The following AP1S3 variants were observed in gnomAD, a reference collection of about 807,000 sequenced individuals.
AP1S3 encodes adaptor related protein complex 1 subunit sigma 3.
In AP1S3, 10 loss-of-function variants were observed where a neutral mutation model predicts 20.9. The ratio of observed to expected loss-of-function variants is 0.48; its 90% confidence interval spans 0.29 to 0.81. AP1S3 has a LOEUF of 0.81. AP1S3 is among the 30% of genes least tolerant of loss of function. The pLI is 0.08. For missense variants in AP1S3, 154 were observed against 183.8 expected, an observed-to-expected ratio of 0.84 and a Z score of 0.94; for synonymous variants, 41 against 61.5, an observed-to-expected ratio of 0.67 and a Z score of 1.56.
intron 1 of AP1S3, among the ~76,000 whole-genome samples, chr2:223,785,941 T>G (rs921123334): frequency 1.3e-5 from 2 of 152,152 alleles, no homozygotes; most frequent in East Asian, 3.8e-4. Flanking sequence ...TAGTTGAAAT[T>G]ACAAAACAAA....
intron 4 of AP1S3, among the ~76,000 whole-genome samples, chr2:223,759,496 A>C (rs1002269610): frequency 3.3e-5 from 5 of 152,248 alleles, no homozygotes; most frequent in African/African-American, 1.2e-4. Flanking sequence ...TGTCAAGACA[A>C]AAAAGATAAA....
chr2:223,758,010 G>C lies in AP1S3; in HGVS notation c.*705C>G. 2 of 972,804 alleles carry C rather than the reference G, an allele frequency of 2.1e-6. No homozygotes were observed. Among genetic ancestry groups the C allele is most frequent in the African/African-American group, 1.8e-5 (1 of 57,028 alleles). The allele number at this position is 972,804 out of a possible 1,614,324, so 60.3% of individuals were successfully genotyped here. A position where few individuals can be genotyped will look rare whatever the true frequency, so the allele number is the denominator to read the frequency against. The stretch of plus-strand genomic sequence containing the variant: ...AACCTTAATAAATATATAGTTCATA[G>C]AAAACCTTATTGGAATGTCCCTTAT... On this transcript the variant is annotated 3_prime_UTR_variant, in exon 5 of 5. Coordinates refer to ENST00000396654, the MANE Select transcript of AP1S3 (RefSeq NM_001039569.2).
At chr2:223,793,100 A>T (rs1340490110) in intron 1 of AP1S3, among the ~76,000 whole-genome samples, 1 of 152,214 alleles carries the variant, frequency 6.6e-6, no homozygotes, top group Non-Finnish European at 1.5e-5. Context: ...GTGAAGAAAA[A>T]GGAACGCTTT....
At chr2:223,787,381 G>T (rs1480056713) in intron 1 of AP1S3, among the ~76,000 whole-genome samples, 1 of 152,160 alleles carries the variant, frequency 6.6e-6, no homozygotes, top group Non-Finnish European at 1.5e-5. Flanking sequence ...AACACTCCTG[G>T]GTCTCAACCC....
chr2:223,809,133 T>C (rs1293980259), intron 1 of AP1S3, among the ~76,000 whole-genome samples: 1 of 152,208 alleles, frequency 6.6e-6, no homozygotes, highest in African/African-American at 2.4e-5. Flanking sequence ...TCAGAGCAGG[T>C]CACTCCCCTG....
intron 1 of AP1S3, among the ~76,000 whole-genome samples, chr2:223,788,138 A>G (rs55955440): frequency 0.12 from 17,916 of 151,396 alleles, 1,356 homozygotes; most frequent in East Asian, 0.25. Flanking sequence ...GTAGAGATAG[A>G]GTTTCACCAT....
At chr2:223,800,522 C>G (rs1306750504) in intron 1 of AP1S3, among the ~76,000 whole-genome samples, 1 of 136,390 alleles carries the variant, frequency 7.3e-6, no homozygotes, top group African/African-American at 2.8e-5. Flanking sequence ...GAGCAAGACC[C>G]TGTCTCTTTA....
In AP1S3 at chr2:223,760,364, G is replaced by A. The variant is rs114722927; in HGVS notation, c.430-1614C>T. On this transcript the variant is annotated intron_variant, in intron 4 of 4. Coordinates refer to ENST00000396654, the MANE Select transcript of AP1S3 (RefSeq NM_001039569.2). ...GCTGAAGATACCAAGGCTACTGGCC[G>A]AGCAAGATTGCTCAGGAGATACTAG... Among the ~76,000 whole-genome samples, 797 of 152,330 alleles carry A rather than the reference G, an allele frequency of 5.2e-3. 6 individuals are homozygous for A. The highest frequency in any genetic ancestry group is 0.016 in the African/African-American group (647 of 41,578).
intron 1 of AP1S3, among the ~76,000 whole-genome samples, chr2:223,802,066 G>A (rs919918554): frequency 6.6e-6 from 1 of 152,174 alleles, no homozygotes; most frequent in Non-Finnish European, 1.5e-5. Flanking sequence ...TTCCTAGAGA[G>A]TGATGAGGAA....
intron 1 of AP1S3, among the ~76,000 whole-genome samples, chr2:223,793,198 T>C (rs1043474731): frequency 5.9e-5 from 9 of 152,178 alleles, no homozygotes; most frequent in Non-Finnish European, 7.3e-5. Context: ...GAAACGCCAA[T>C]TGACTGAGCA....
intron 1 of AP1S3, among the ~76,000 whole-genome samples, chr2:223,829,046 AGCTGGTC>A (rs1692199875): frequency 6.6e-6 from 1 of 151,768 alleles, no homozygotes; most frequent in Non-Finnish European, 1.5e-5. Context: ...ATCTTGGCCA[AGCTGGTC>A]TTGAACTCCT....
intron 3 of AP1S3, among the ~76,000 whole-genome samples, chr2:223,767,236 C>T (rs10193515): frequency 0.39 from 59,122 of 151,834 alleles, 12,779 homozygotes; most frequent in South Asian, 0.59. Flanking sequence ...ACCTCCCCAA[C>T]GTTTACCTCT....
chr2:223,802,013 C>A (rs1691478809), intron 1 of AP1S3, among the ~76,000 whole-genome samples: 1 of 152,158 alleles, frequency 6.6e-6, no homozygotes, highest in Admixed American at 6.6e-5. Flanking sequence ...ATATCTGAGG[C>A]CATCTAACTA....
At chr2:223,815,569 C>T (rs1341432875) in intron 1 of AP1S3, among the ~76,000 whole-genome samples, 2 of 152,194 alleles carry the variant, frequency 1.3e-5, no homozygotes. Flanking sequence ...GCCAACCAAA[C>T]TTGTGAACCC....
At chr2:223,794,775 A>T (rs1304414866) in intron 1 of AP1S3, among the ~76,000 whole-genome samples, 2 of 152,150 alleles carry the variant, frequency 1.3e-5, no homozygotes, top group African/African-American at 4.8e-5. Context: ...CCACAAGACT[A>T]TCTTTCCAAG....
At chr2:223,814,253 G>A (rs1361933625) in intron 1 of AP1S3, among the ~76,000 whole-genome samples, 1 of 152,118 alleles carries the variant, frequency 6.6e-6, no homozygotes, top group Non-Finnish European at 1.5e-5. Context: ...GTGGGAAGAG[G>A]CCTCAGTGGA....
At chr2:223,775,106 G>C (rs1690753569) in intron 3 of AP1S3, among the ~76,000 whole-genome samples, 1 of 151,324 alleles carries the variant, frequency 6.6e-6, no homozygotes. Context: ...AGAAGCAGGT[G>C]AAAGCAGGTG....
chr2:223,793,927 A>T (rs1244798406), intron 1 of AP1S3, among the ~76,000 whole-genome samples: 1 of 152,026 alleles, frequency 6.6e-6, no homozygotes, highest in East Asian at 1.9e-4. Flanking sequence ...TACAGGTGTG[A>T]GCCACTGTGC....
intron 4 of AP1S3, among the ~76,000 whole-genome samples, chr2:223,764,706 C>G (rs1210269871): frequency 6.6e-6 from 1 of 152,160 alleles, no homozygotes; most frequent in African/African-American, 2.4e-5. Flanking sequence ...TTTAATATCT[C>G]TGGCAAACAA....
Sources: gnomAD v4.1 joint callset for allele counts (sites outside exome capture counted in the v4.1 genomes callset) on GRCh38, gnomAD v4.1.1 for gene constraint, MANE v1.5 for transcripts, NCBI Gene and HGNC (gene_info 2026-07-23, HGNC 2026-07-21) for gene names.